The following CEP57L1 variants were observed in gnomAD, a reference collection of about 807,000 sequenced individuals.
CEP57L1 encodes centrosomal protein 57 like 1.
CEP57L1 carries 37 observed loss-of-function variants against 61.0 expected under a neutral mutation model. The observed-to-expected ratio is 0.61, with a 90% CI of 0.47 to 0.80. The LOEUF is 0.80. CEP57L1 is among the 30% of genes least tolerant of loss of function. The pLI is 0.00. For missense variants in CEP57L1, 422 were observed against 524.7 expected (o/e 0.80, Z 1.91); for synonymous variants, 137 against 162.3 (o/e 0.84, Z 1.19).
At chr6:109,119,191 T>G (rs1180717302) in intron 1 of CEP57L1, among the ~76,000 whole-genome samples, 1 of 152,190 alleles carries the variant, frequency 6.6e-6, no homozygotes, top group African/African-American at 2.4e-5. Context: ...CTATATGCCC[T>G]GAGGAGGTCT....
At chr6:109,154,136 G>A (rs1772969763) in intron 5 of CEP57L1, among the ~76,000 whole-genome samples, 187 bp downstream of exon 5, 1 of 152,194 alleles carries the variant, frequency 6.6e-6, no homozygotes, top group African/African-American at 2.4e-5. Context: ...TGAATGAGCT[G>A]TCTTTTGATG....
At chr6:109,112,691 A>G (rs1454231789) in intron 1 of CEP57L1, among the ~76,000 whole-genome samples, 1 of 152,192 alleles carries the variant, frequency 6.6e-6, no homozygotes, top group African/African-American at 2.4e-5. Flanking sequence ...AATATGTCAC[A>G]GAGATTCTGG....
intron 1 of CEP57L1, among the ~76,000 whole-genome samples, chr6:109,122,155 A>T (rs1259933976): frequency 1.3e-5 from 2 of 152,222 alleles, no homozygotes; most frequent in African/African-American, 2.4e-5. Flanking sequence ...GACTACTTTA[A>T]GTTAAATTCT....
At position 109,173,570 on chromosome 6, in the gene CEP57L1, G is replaced by A. The variant is rs1460925685; in HGVS notation, c.*10600G>A. Among the ~76,000 whole-genome samples, 1 of 148,534 alleles carries A rather than the reference G, an allele frequency of 6.7e-6. No homozygotes were observed. The highest frequency in any genetic ancestry group is 1.5e-5 in the Non-Finnish European group (1 of 67,342). ...CTCCCAAGTAGCTGGGACTACAGGT[G>A]CATGCCACCACACCTGGCTAATTAA... On this transcript the variant is annotated 3_prime_UTR_variant, in exon 11 of 11. Transcript: ENST00000517392.
At chr6:109,124,108 T>G (rs887789132) in intron 1 of CEP57L1, among the ~76,000 whole-genome samples, 4 of 152,022 alleles carry the variant, frequency 2.6e-5, no homozygotes, top group Non-Finnish European at 5.9e-5. Flanking sequence ...TATTGCCTTA[T>G]CATCTCTCAC....
chr6:109,101,226 A>G (rs185484822), intron 1 of CEP57L1, among the ~76,000 whole-genome samples: 15 of 152,376 alleles, frequency 9.8e-5, no homozygotes, highest in African/African-American at 3.6e-4. Context: ...TAGAAGAGTA[A>G]TTAATTAGGG....
chr6:109,113,239 A>T (rs1406281670), intron 1 of CEP57L1, among the ~76,000 whole-genome samples: 1 of 152,012 alleles, frequency 6.6e-6, no homozygotes, highest in East Asian at 1.9e-4. Flanking sequence ...TCTTTAAGCC[A>T]ATTTATCTTC....
Position 109,110,544 on chromosome 6 carries a change from C to T in CEP57L1, c.-4+14969C>T, listed in dbSNP as rs568871107. Among the ~76,000 whole-genome samples, 4 of 152,266 alleles carry T rather than the reference C, an allele frequency of 2.6e-5. No individual in the cohort carries two copies. The East Asian group carries it at 7.7e-4, about 29-fold the overall frequency. On this transcript the variant is annotated intron_variant, in intron 1 of 10. Coordinates refer to ENST00000517392, the MANE Select transcript of CEP57L1 (RefSeq NM_001271852.3). ...TTTAGTTTAATCAGATCCAATTCGT[C>T]AATTTTTGGCTTTTGTTGCCATTGC...
rs1774377379 is a variant in CEP57L1 at position 109,171,033 on chromosome 6, A to C, written c.*8063A>C. Among the ~76,000 whole-genome samples the C allele has an allele frequency of 1.3e-5, 2 of 152,184 alleles. No individual in the cohort carries two copies. The highest frequency in any genetic ancestry group is 4.1e-4 in the South Asian group (2 of 4,832). ...TTATAAGCTTAGAAAAATTTATATC[A>C]GTATTACATTCTTGATTCTCTCAAG... On this transcript the variant is annotated 3_prime_UTR_variant, in exon 11 of 11. Coordinates refer to ENST00000517392, the MANE Select transcript of CEP57L1 (RefSeq NM_001271852.3).
chr6:109,111,518 T>C (rs1171872500), intron 1 of CEP57L1, among the ~76,000 whole-genome samples: 2 of 152,204 alleles, frequency 1.3e-5, no homozygotes, highest in African/African-American at 2.4e-5. Flanking sequence ...CTTTATTTCT[T>C]TCTTTTGGCT....
chr6:109,133,133 T>C (rs1774385033), intron 1 of CEP57L1, among the ~76,000 whole-genome samples: 1 of 152,212 alleles, frequency 6.6e-6, no homozygotes. Flanking sequence ...CAGACATATT[T>C]CTGAGTACCT....
chr6:109,100,493 G>A (rs1782247196), intron 1 of CEP57L1, among the ~76,000 whole-genome samples: 1 of 151,790 alleles, frequency 6.6e-6, no homozygotes, highest in African/African-American at 2.4e-5. Flanking sequence ...CGGCCAAGAT[G>A]GTGAAACCCC....
chr6:109,103,960 A>T (rs1770621467), intron 1 of CEP57L1, among the ~76,000 whole-genome samples: 1 of 151,978 alleles, frequency 6.6e-6, no homozygotes, highest in Non-Finnish European at 1.5e-5. Flanking sequence ...AAAAAATAAG[A>T]GTAACAAAAT....
chr6:109,150,866 A>G (rs1306919047), intron 4 of CEP57L1, among the ~76,000 whole-genome samples: 2 of 152,108 alleles, frequency 1.3e-5, no homozygotes, highest in Non-Finnish European at 2.9e-5. Context: ...AGAAATAAAG[A>G]TATTTTAAGA....
intron 1 of CEP57L1, among the ~76,000 whole-genome samples, chr6:109,110,163 A>G (rs1771426915): frequency 1.3e-5 from 2 of 152,222 alleles, no homozygotes; most frequent in Admixed American, 1.3e-4. Flanking sequence ...CCAACAGAGT[A>G]GAAGCGTTTT....
chr6:109,153,697 G>A, intron 4 of CEP57L1, 136 bp from the exon 5 acceptor site: 1 of 652,402 alleles, frequency 1.5e-6, no homozygotes, highest in Non-Finnish European at 2.7e-6. Flanking sequence ...AGCATCTAAA[G>A]TATGTGTGTT....
At chr6:109,118,605 AC>A (rs1487874035) in intron 1 of CEP57L1, among the ~76,000 whole-genome samples, 2 of 152,212 alleles carry the variant, frequency 1.3e-5, no homozygotes, top group African/African-American at 4.8e-5. Flanking sequence ...TAGTTAACAT[AC>A]TGAAGCTTGC....
chr6:109,149,117 A>G (rs1772300346), intron 3 of CEP57L1, among the ~76,000 whole-genome samples: 2 of 152,142 alleles, frequency 1.3e-5, no homozygotes, highest in Admixed American at 6.5e-5. Context: ...GAAGCTCTTT[A>G]GTTTAATCAG....
At chr6:109,121,816 G>A (rs572936221) in intron 1 of CEP57L1, among the ~76,000 whole-genome samples, 2 of 152,114 alleles carry the variant, frequency 1.3e-5, no homozygotes, top group South Asian at 2.1e-4. Context: ...TGATGGAAAG[G>A]GAAACAATTT....
Sources: gnomAD v4.1 joint callset for allele counts (sites outside exome capture counted in the v4.1 genomes callset) on GRCh38, gnomAD v4.1.1 for gene constraint, MANE v1.5 for transcripts, NCBI Gene and HGNC (gene_info 2026-07-23, HGNC 2026-07-21) for gene names.